Variants in METTL24 observed in about 807,000 individuals in gnomAD.
The protein encoded by METTL24 is probable methyltransferase-like protein 24.
Under a neutral mutation model 32.7 loss-of-function variants are expected in METTL24, and 29 were observed. The observed-to-expected ratio is 0.89, with a 90% CI of 0.66 to 1.21. The LOEUF is 1.21. Among genes scored for constraint, METTL24 ranks in the 50% most tolerant of loss-of-function variants. The pLI is 0.00. For synonymous variants in METTL24, 163 were observed against 179.5 expected (o/e 0.91, Z 0.73); for missense variants, 439 against 468.1 (o/e 0.94, Z 0.57).
chr6:110,343,404 G>A (rs1260731398), intron 1 of METTL24, among the ~76,000 whole-genome samples: 1 of 152,224 alleles, frequency 6.6e-6, no homozygotes, highest in Non-Finnish European at 1.5e-5. Flanking sequence ...CTATGGACAA[G>A]GCACTGTGCT....
chr6:110,297,912 A>G lies in METTL24; in HGVS notation c.786+1010T>C, dbSNP rs563206880. 1.1e-4 allele frequency among the ~76,000 whole-genome samples: 16 copies of G among 152,230 alleles called. No individual in the cohort carries two copies. The South Asian group carries it at 3.3e-3, about 32-fold the overall frequency. Reference sequence around the variant, plus strand: ...GTTCTTGAAGAAGCATGGGCTATCTAAAGGTTGTTTAAAGGATGAAGAGGA... The same window carrying G: ...GTTCTTGAAGAAGCATGGGCTATCTGAAGGTTGTTTAAAGGATGAAGAGGA... On this transcript the variant is annotated intron_variant, in intron 4 of 4. Coordinates refer to ENST00000338882, the MANE Select transcript of METTL24 (RefSeq NM_001123364.3).
intron 1 of METTL24, among the ~76,000 whole-genome samples, chr6:110,343,223 A>T (rs1459302218): frequency 1.3e-5 from 2 of 152,218 alleles, no homozygotes; most frequent in Non-Finnish European, 2.9e-5. Context: ...AAAGGGAAAA[A>T]GGGGTTCTGC....
chr6:110,342,739 A>T (rs1343702158), intron 1 of METTL24, among the ~76,000 whole-genome samples: 1 of 152,052 alleles, frequency 6.6e-6, no homozygotes, highest in Non-Finnish European at 1.5e-5. Context: ...TCTGGCAACC[A>T]CTAATCTACT....
chr6:110,244,909 G>T lies in METTL24; in HGVS notation c.*1037C>A, dbSNP rs1460790158. ...AGGAGAGCACAGACCGAAGGAGCCA[G>T]ATGGAAACCAGAATATGTGAGTCAA... On this transcript the variant is annotated 3_prime_UTR_variant, in exon 5 of 5. Coordinates refer to ENST00000338882, the MANE Select transcript of METTL24 (RefSeq NM_001123364.3). Among the ~76,000 whole-genome samples, 1 of 152,142 alleles carries T rather than the reference G, an allele frequency of 6.6e-6. No homozygotes were observed. The highest frequency in any genetic ancestry group is 2.4e-5 in the African/African-American group (1 of 41,436).
At chr6:110,248,100 A>T (rs548969380) in intron 4 of METTL24, among the ~76,000 whole-genome samples, 1 of 152,234 alleles carries the variant, frequency 6.6e-6, no homozygotes, top group South Asian at 2.1e-4. Flanking sequence ...CTCTCTTGCC[A>T]TCTGATAGGC....
At chr6:110,326,578 G>A (rs1772020955) in intron 1 of METTL24, among the ~76,000 whole-genome samples, 1 of 152,216 alleles carries the variant, frequency 6.6e-6, no homozygotes, top group South Asian at 2.1e-4. Flanking sequence ...GCAGGATCCA[G>A]TGGGCTCATT....
At chr6:110,334,697 A>C (rs1439969193) in intron 1 of METTL24, among the ~76,000 whole-genome samples, 4 of 152,210 alleles carry the variant, frequency 2.6e-5, no homozygotes, top group Non-Finnish European at 5.9e-5. Flanking sequence ...TGAATATGTC[A>C]TTGGTTGCAC....
rs1298656215 is a variant in METTL24, at chr6:110,315,359, G to T, written c.540C>A (p.Cys180Ter). 1.9e-6 allele frequency: 3 copies of T among 1,614,078 alleles called. No individual in the cohort carries two copies. The highest frequency in any genetic ancestry group is 2.5e-6 in the Non-Finnish European group (3 of 1,180,040). Residue 180 changes from cysteine to a stop codon, truncating the protein, a stop_gained, in exon 3 of 5, where the codon TGC becomes TGA. Transcript: ENST00000338882. LOFTEE classifies it high-confidence loss of function. ...NLAHQIRNKQ[C>*]RLYSLGLGSD... Reference sequence around the variant, plus strand: ...GTACTCACCCTAAGGAGTAGAGGCGGCACTGCTTGTTGCGGATTTGATGAG... The same window carrying T: ...GTACTCACCCTAAGGAGTAGAGGCGTCACTGCTTGTTGCGGATTTGATGAG...
intron 1 of METTL24, among the ~76,000 whole-genome samples, chr6:110,331,947 G>A (rs1772117529): frequency 6.6e-6 from 1 of 152,030 alleles, no homozygotes; most frequent in African/African-American, 2.4e-5. Context: ...TTCCCCTCAG[G>A]CCCCCTCCCT....
At chr6:110,318,394 T>C (rs1328639549) in intron 2 of METTL24, among the ~76,000 whole-genome samples, 1 of 152,038 alleles carries the variant, frequency 6.6e-6, no homozygotes, top group Non-Finnish European at 1.5e-5. Context: ...ACGCCTGTAA[T>C]CCCAGCACTT....
At chr6:110,269,559 A>G (rs961348902) in intron 4 of METTL24, among the ~76,000 whole-genome samples, 1 of 152,188 alleles carries the variant, frequency 6.6e-6, no homozygotes, top group Admixed American at 6.6e-5. Context: ...GAGCTATGAT[A>G]AAAAATGAGA....
chr6:110,286,187 G>T lies in METTL24; in HGVS notation c.786+12735C>A, dbSNP rs1423090502. ...AGAGAGAGGGGATGCTGCAGAAACT[G>T]ACAGCCAGGCTCCTGACCCCCGTCT... On this transcript the variant is annotated intron_variant, in intron 4 of 4. Transcript: ENST00000338882. 2.0e-5 allele frequency among the ~76,000 whole-genome samples: 3 copies of T among 152,184 alleles called. 1 individual carries two copies. In the South Asian group the frequency reaches 6.2e-4, roughly 32 times the overall value.
chr6:110,292,015 T>A (rs780654663), intron 4 of METTL24, among the ~76,000 whole-genome samples: 14 of 152,210 alleles, frequency 9.2e-5, no homozygotes, highest in Non-Finnish European at 1.3e-4. Context: ...TAAATTCTCT[T>A]TCTTAAAAAT....
rs112096130 is a variant in METTL24 at position 110,315,426 on chromosome 6, T to G, written c.473A>C (p.His158Pro). 3.2e-4 allele frequency: 515 copies of G among 1,614,140 alleles called. No homozygotes were observed. In the African/African-American group the frequency reaches 6.1e-3, roughly 19 times the overall value. Residue 158 changes from histidine to proline, a missense_variant, in exon 3 of 5, where the codon CAC becomes CCC. His to Pro is a moderately conservative substitution (Grantham distance 77, BLOSUM62 -2). Coordinates refer to ENST00000338882, the MANE Select transcript of METTL24 (RefSeq NM_001123364.3). ...GTCAAGACACACTGACCAGGGCTTG[T>G]GTGTAGGACTAGAGTCAGTAGCCAG... ...DSLATDSSPTHKPWSVCLDDR... is the reference protein window; with the variant it reads ...DSLATDSSPTPKPWSVCLDDR...
intron 1 of METTL24, among the ~76,000 whole-genome samples, chr6:110,341,515 A>AT (rs942320949): frequency 1.3e-5 from 2 of 152,136 alleles, no homozygotes; most frequent in Non-Finnish European, 2.9e-5. Flanking sequence ...ACCAGTTCAA[A>AT]TTTTTTTTAA....
chr6:110,344,302 A>G lies in METTL24; in HGVS notation c.318+13653T>C, dbSNP rs114538666. ...TCATGCTGCAGATGAAAAAAACTCT[A>G]GCACGAGAGTCTCCTGGACATGACT... is the stretch of plus-strand genomic sequence containing the variant. On this transcript the variant is annotated intron_variant, in intron 1 of 4. Transcript: ENST00000338882. 2.0e-3 allele frequency among the ~76,000 whole-genome samples: 298 copies of G among 152,286 alleles called. 4 individuals are homozygous for G. The highest frequency in any genetic ancestry group is 6.9e-3 in the African/African-American group (285 of 41,554).
intron 1 of METTL24, among the ~76,000 whole-genome samples, chr6:110,337,726 C>T (rs1404231203): frequency 2.0e-5 from 3 of 152,202 alleles, no homozygotes; most frequent in Non-Finnish European, 4.4e-5. Context: ...CCAGAATTCT[C>T]CCGCTTATTC....
rs1485393878 is a variant in METTL24 at position 110,321,868 on chromosome 6, A to ACTC, written c.417+905_417+906insGAG. ...GAGGAAAAGCGCTTTGCTGCCAGAG[A>ACTC]GGCTGGGGAGGAGAACAGGGATGTC... On this transcript the variant is annotated intron_variant, in intron 2 of 4. Coordinates refer to ENST00000338882, the MANE Select transcript of METTL24 (RefSeq NM_001123364.3). 2.0e-5 allele frequency among the ~76,000 whole-genome samples: 3 copies of ACTC among 152,176 alleles called. No individual in the cohort carries two copies. In the East Asian group the frequency reaches 5.8e-4, roughly 29 times the overall value.
intron 3 of METTL24, among the ~76,000 whole-genome samples, chr6:110,306,567 G>A (rs947848745): frequency 2.0e-5 from 3 of 151,920 alleles, no homozygotes; most frequent in Admixed American, 6.6e-5. Flanking sequence ...AAAACTATTT[G>A]TAATTTTTTG....
Sources: allele counts gnomAD v4.1 joint callset (sites outside exome capture counted in the v4.1 genomes callset), GRCh38; gene constraint gnomAD v4.1.1; transcripts MANE v1.5; gene names NCBI Gene and HGNC (gene_info 2026-07-23, HGNC 2026-07-21).